Variants in MRPS11 observed in about 807,000 individuals in gnomAD.
The protein encoded by MRPS11 is small ribosomal subunit protein uS11m.
A neutral mutation model predicts 24.3 loss-of-function variants in MRPS11; 27 were observed. That is an observed-to-expected ratio of 1.11 (90% CI 0.82 to 1.53). MRPS11 has a LOEUF of 1.53. Ranked by LOEUF, MRPS11 falls within the 40% of genes most tolerant of loss-of-function variation. The probability of loss-of-function intolerance (pLI) is 0.00; values close to 1 mark genes in which losing one functional copy is unlikely to be tolerated. For synonymous variants in MRPS11, 104 were observed against 98.7 expected (o/e 1.05, Z -0.32); for missense variants, 277 against 256.5 (o/e 1.08, Z -0.55).
Position 88,469,653 on chromosome 15 carries a change from C to CT in MRPS11, c.182+1630dup, listed in dbSNP as rs1335035616. Among the ~76,000 whole-genome samples, 1 of 152,102 alleles carries CT rather than the reference C, an allele frequency of 6.6e-6. No homozygotes were observed. Among genetic ancestry groups the CT allele is most frequent in the East Asian group, 1.9e-4 (1 of 5,198 alleles). ...GATCTTGCTGACAAGATCTTGTAAG[C>CT]TCTTTGGCTGCTGTGTTGATATTAA... On this transcript the variant is annotated intron_variant, in intron 2 of 5. Coordinates refer to ENST00000325844, the MANE Select transcript of MRPS11 (RefSeq NM_022839.5). This position sits in a 1 kb window ranked among gnomAD's most constrained non-coding sequence, Gnocchi z 4.4.
intron 2 of MRPS11, 41 bp downstream of exon 2, chr15:88,468,065 C>A (rs1413805513): frequency 2.6e-6 from 4 of 1,566,378 alleles, no homozygotes; most frequent in Non-Finnish European, 3.5e-6. Context: ...ACCCGCAACC[C>A]CTGACTCTTG....
intron 2 of MRPS11, among the ~76,000 whole-genome samples, chr15:88,471,496 T>C (rs925937835): frequency 6.6e-6 from 1 of 152,190 alleles, no homozygotes; most frequent in Non-Finnish European, 1.5e-5. Context: ...TATTTCCAGC[T>C]CCATTGCTGA....
At chr15:88,476,032 A>T (rs951311039) in intron 4 of MRPS11, among the ~76,000 whole-genome samples, 1 of 152,212 alleles carries the variant, frequency 6.6e-6, no homozygotes, top group Non-Finnish European at 1.5e-5. Flanking sequence ...AGGACATAGT[A>T]TCGTGGGGAC....
Position 88,475,033 on chromosome 15 carries a change from T to G in MRPS11, c.282-77T>G. On this transcript the variant is annotated intron_variant, in intron 3 of 5. Coordinates refer to ENST00000325844, the MANE Select transcript of MRPS11 (RefSeq NM_022839.5). This position sits in a 1 kb window ranked among gnomAD's most constrained non-coding sequence, Gnocchi z 4.1. ...TTCCTTTTTCTTTCTCACCCAGGCT[T>G]CTAGGGGCATAGATTAGCTCTCTCT... is the stretch of plus-strand genomic sequence containing the variant. 6.5e-7 allele frequency: 1 copy of G among 1,547,368 alleles called. No homozygotes were observed. The highest frequency in any genetic ancestry group is 8.8e-7 in the Non-Finnish European group (1 of 1,140,300).
intron 3 of MRPS11, among the ~76,000 whole-genome samples, chr15:88,474,204 A>C (rs1313148843): frequency 1.3e-5 from 2 of 152,150 alleles, no homozygotes; most frequent in Non-Finnish European, 2.9e-5. Context: ...AAAAAAAGAG[A>C]AAAGTTTTAC....
In MRPS11 at chr15:88,472,698, T is replaced by G; in HGVS notation, c.254T>G (p.Ile85Ser). The change falls in exon 3 of 6, where the codon ATT becomes AGT. Residue 85 changes from isoleucine to serine, a missense_variant. Ile to Ser is a moderately radical substitution (Grantham distance 142). Transcript: ENST00000325844. ...GGAAAGAAATTTGAGGAGATCCCAA[T>G]TGCACACATTAAAGCATCCCACAAC... ...WAGKKFEEIP[I>S]AHIKASHNNT... is the part of the protein sequence containing the mutation. 1 of 1,613,924 alleles carries G rather than the reference T, an allele frequency of 6.2e-7. No individual in the cohort carries two copies. Among genetic ancestry groups the G allele is most frequent in the Non-Finnish European group, 8.5e-7 (1 of 1,179,866 alleles).
At position 88,478,531 on chromosome 15, in the gene MRPS11, G is replaced by A. The variant is rs999967571; in HGVS notation, c.*552G>A. Reference sequence around the variant, plus strand: ...CTACCTCTGGATTCTGATGGATTTCGCCATTATGGGCATGTTTAAAGTTAG... The same window carrying A: ...CTACCTCTGGATTCTGATGGATTTCACCATTATGGGCATGTTTAAAGTTAG... On this transcript the variant is annotated 3_prime_UTR_variant, in exon 6 of 6. Coordinates refer to ENST00000325844, the MANE Select transcript of MRPS11 (RefSeq NM_022839.5). The surrounding 1 kb of genome is among the most constrained non-coding windows in gnomAD (Gnocchi z 4.7). The A allele has an allele frequency of 3.2e-5, 5 of 155,690 alleles. No homozygotes were observed. The highest frequency in any genetic ancestry group is 6.3e-5 in the Admixed American group (1 of 15,752). The allele number at this position is 155,690 out of a possible 1,614,324, so 9.6% of individuals were successfully genotyped here. A position where few individuals can be genotyped will look rare whatever the true frequency, so the allele number is the denominator to read the frequency against.
In MRPS11 at chr15:88,477,815, C is replaced by CA; in HGVS notation, c.478-56dup. The CA allele has an allele frequency of 6.6e-7, 1 of 1,506,412 alleles. No homozygotes were observed. Among genetic ancestry groups the CA allele is most frequent in the Non-Finnish European group, 9.2e-7 (1 of 1,086,082 alleles). 93.3% of individuals were successfully genotyped at this position (1,506,412 alleles called of 1,614,324 possible). A position where few individuals can be genotyped will look rare whatever the true frequency, so the allele number is the denominator to read the frequency against. Reference sequence around the variant, plus strand: ...TCCCTCTCCGAACCCTGCCTGGAGACACTGGATCATCATTTCTGGGACCAT... The same window carrying CA: ...TCCCTCTCCGAACCCTGCCTGGAGACAACTGGATCATCATTTCTGGGACCAT... On this transcript the variant is annotated intron_variant, in intron 5 of 5. Coordinates refer to ENST00000325844, the MANE Select transcript of MRPS11 (RefSeq NM_022839.5). The surrounding 1 kb of genome is among the most constrained non-coding windows in gnomAD (Gnocchi z 5.7).
chr15:88,478,135 C>A lies in MRPS11; in HGVS notation c.*156C>A. On this transcript the variant is annotated 3_prime_UTR_variant, in exon 6 of 6. Transcript: ENST00000325844. The surrounding 1 kb of genome is among the most constrained non-coding windows in gnomAD (Gnocchi z 4.7). ...CTCCTTACACAGTGGCCTTTGCTTG[C>A]ACCTCCAGCTGGAGATGGGTGTGCC... 1.6e-6 allele frequency: 1 copy of A among 624,810 alleles called. No homozygotes were observed. Among genetic ancestry groups the A allele is most frequent in the Non-Finnish European group, 2.8e-6 (1 of 353,236 alleles). 38.7% of individuals were successfully genotyped at this position (624,810 alleles called of 1,614,324 possible).
chr15:88,472,815 G>A, intron 3 of MRPS11, 90 bp downstream of exon 3: 2 of 1,058,072 alleles, frequency 1.9e-6, no homozygotes, highest in Non-Finnish European at 2.8e-6. Flanking sequence ...ATACCCCGGG[G>A]TAGAAGTGAG....
At chr15:88,470,177 T>C (rs1431565046) in intron 2 of MRPS11, among the ~76,000 whole-genome samples, 1 of 152,136 alleles carries the variant, frequency 6.6e-6, no homozygotes, top group Non-Finnish European at 1.5e-5. Flanking sequence ...TAGCCAGGTG[T>C]GGTGGCGTGG....
rs2055637471 is a variant in MRPS11, at chr15:88,469,445, T to A, written c.182+1421T>A. Among the ~76,000 whole-genome samples, 1 of 152,140 alleles carries A rather than the reference T, an allele frequency of 6.6e-6. No individual in the cohort carries two copies. The highest frequency in any genetic ancestry group is 1.5e-5 in the Non-Finnish European group (1 of 68,010). ...CTCATAGAACTTAAATTCCAGTGGG[T>A]AGAAGACAGTAAATAGAAAACAAGT... On this transcript the variant is annotated intron_variant, in intron 2 of 5. Transcript: ENST00000325844. This position sits in a 1 kb window ranked among gnomAD's most constrained non-coding sequence, Gnocchi z 4.4.
In MRPS11 at chr15:88,479,178, T is replaced by C. The variant is rs1433869268; in HGVS notation, c.*1199T>C. ...CTCAGGACCCCCAGGCAGGACTGACTGCTCCTCTGTTGGGGCTCTAGGGTT... is the reference window on the plus strand; with the variant it reads ...CTCAGGACCCCCAGGCAGGACTGACCGCTCCTCTGTTGGGGCTCTAGGGTT... On this transcript the variant is annotated 3_prime_UTR_variant, in exon 6 of 6. Transcript: ENST00000325844. 6.6e-6 allele frequency: 1 copy of C among 152,226 alleles called. No homozygotes were observed. The highest frequency in any genetic ancestry group is 1.5e-5 in the Non-Finnish European group (1 of 68,072). The allele number at this position is 152,226 out of a possible 1,614,324, so 9.4% of individuals were successfully genotyped here. A position where few individuals can be genotyped will look rare whatever the true frequency, so the allele number is the denominator to read the frequency against.
At chr15:88,473,719 G>A (rs1027637594) in intron 3 of MRPS11, among the ~76,000 whole-genome samples, 1 of 152,152 alleles carries the variant, frequency 6.6e-6, no homozygotes, top group African/African-American at 2.4e-5. Flanking sequence ...GCCCAAGCCC[G>A]GGGCTGACTC....
chr15:88,475,240 G>GT lies in MRPS11; in HGVS notation c.411+2dup. 6.2e-7 allele frequency: 1 copy of GT among 1,614,058 alleles called. No homozygotes were observed. ...GACAGCAGGCATAGCCGCAGCGGCGGTAAGTGTGTGTTCCTTCTGCTTCCT... is the reference window on the plus strand; with the variant it reads ...GACAGCAGGCATAGCCGCAGCGGCGGTTAAGTGTGTGTTCCTTCTGCTTCCT... On this transcript the variant is annotated splice_donor_variant, in intron 4 of 5. Transcript: ENST00000325844. LOFTEE classifies it high-confidence loss of function. This position sits in a 1 kb window ranked among gnomAD's most constrained non-coding sequence, Gnocchi z 4.1.
intron 1 of MRPS11, 45 bp from the exon 2 acceptor site, chr15:88,467,863 C>A (rs767184095): frequency 6.2e-7 from 1 of 1,612,748 alleles, no homozygotes; most frequent in South Asian, 1.1e-5. Flanking sequence ...CACCCGGGCC[C>A]CAGTGACCGT....
rs751729742 is a variant in MRPS11, at chr15:88,472,695, C to G, written c.251C>G (p.Pro84Arg). Residue 84 changes from proline to arginine, a missense_variant, in exon 3 of 6, where the codon CCA becomes CGA. By Grantham distance (103) the Pro-to-Arg change is moderately radical (BLOSUM62 -2). Coordinates refer to ENST00000325844, the MANE Select transcript of MRPS11 (RefSeq NM_022839.5). ...RWAGKKFEEI[P>R]IAHIKASHNN... Reference sequence around the variant, plus strand: ...GCAGGAAAGAAATTTGAGGAGATCCCAATTGCACACATTAAAGCATCCCAC... The same window carrying G: ...GCAGGAAAGAAATTTGAGGAGATCCGAATTGCACACATTAAAGCATCCCAC... 4 of 1,613,752 alleles carry G rather than the reference C, an allele frequency of 2.5e-6. No individual in the cohort carries two copies. In the African/African-American group the frequency reaches 5.3e-5, roughly 22 times the overall value.
chr15:88,473,491 G>C (rs1277855913), intron 3 of MRPS11, among the ~76,000 whole-genome samples: 1 of 152,226 alleles, frequency 6.6e-6, no homozygotes, highest in Non-Finnish European at 1.5e-5. Flanking sequence ...TTCAGCATTT[G>C]TCAGATAAAT....
intron 2 of MRPS11, chr15:88,472,388 C>G: frequency 2.4e-6 from 1 of 415,824 alleles, no homozygotes; most frequent in Non-Finnish European, 4.4e-6. Flanking sequence ...CATGAAAATC[C>G]CTTCTCATAG....
Sources: allele counts gnomAD v4.1 joint callset (sites outside exome capture counted in the v4.1 genomes callset), GRCh38; gene constraint gnomAD v4.1.1; non-coding constraint Gnocchi (gnomAD v3.1); transcripts MANE v1.5; gene names NCBI Gene and HGNC (gene_info 2026-07-23, HGNC 2026-07-21).